Variants in EPB41L3 observed in about 807,000 individuals in gnomAD.
EPB41L3 encodes erythrocyte membrane protein band 4.1 like 3, also known as band 4.1-like protein 3.
EPB41L3 carries 57 observed loss-of-function variants against 127.1 expected under a neutral mutation model. The observed-to-expected ratio is 0.45, with a 90% confidence interval of 0.36 to 0.56. The LOEUF (loss-of-function observed/expected upper bound fraction) is 0.56, where lower values mean the gene tolerates loss of function less well. EPB41L3 is among the 20% of genes least tolerant of loss of function. The pLI is 0.00. For synonymous variants in EPB41L3, 572 were observed against 549.5 expected (o/e 1.04, Z -0.57); for missense variants, 1,273 against 1,372.2 (o/e 0.93, Z 1.14).
intron 1 of EPB41L3, chr18:5,518,381 T>A (rs1386245459): frequency 1.3e-5 from 2 of 152,464 alleles, no homozygotes; most frequent in African/African-American, 4.8e-5. Context: ...AGTGTTCAAA[T>A]GCACCTCTCT....
chr18:5,422,136 CTGAA>C (rs2077553284), intron 11 of EPB41L3, among the ~76,000 whole-genome samples: 1 of 151,972 alleles, frequency 6.6e-6, no homozygotes, highest in Non-Finnish European at 1.5e-5. Flanking sequence ...ACCTGGAGAG[CTGAA>C]ATCATTTGTC....
At chr18:5,497,223 C>T (rs1487480055) in intron 1 of EPB41L3, among the ~76,000 whole-genome samples, 1 of 152,116 alleles carries the variant, frequency 6.6e-6, no homozygotes, top group Non-Finnish European at 1.5e-5. Context: ...CATGGGTTTG[C>T]AGAGCTGGAT....
Position 5,457,416 on chromosome 18 carries a change from C to T in EPB41L3, c.382-12172G>A, listed in dbSNP as rs537661403. Among the ~76,000 whole-genome samples the T allele has an allele frequency of 1.4e-4, 22 of 151,734 alleles. No individual in the cohort carries two copies. The South Asian group carries it at 4.2e-3, about 29-fold the overall frequency. Reference sequence around the variant, plus strand: ...GTCTTGCTGATCCTATAAACCAGCTCTCCTTGCTTTCATCTGGTGGAACAA... The same window carrying T: ...GTCTTGCTGATCCTATAAACCAGCTTTCCTTGCTTTCATCTGGTGGAACAA... On this transcript the variant is annotated intron_variant, in intron 3 of 22. Coordinates refer to ENST00000341928, the MANE Select transcript of EPB41L3 (RefSeq NM_012307.5).
chr18:5,450,609 T>C (rs1440598366), intron 3 of EPB41L3, among the ~76,000 whole-genome samples: 1 of 151,934 alleles, frequency 6.6e-6, no homozygotes, highest in African/African-American at 2.4e-5. Flanking sequence ...TTAGTTTAAA[T>C]TGTTAATAAA....
At chr18:5,452,484 C>T (rs1288639703) in intron 3 of EPB41L3, among the ~76,000 whole-genome samples, 2 of 151,948 alleles carry the variant, frequency 1.3e-5, no homozygotes, top group African/African-American at 2.4e-5. Context: ...AATCCTCCCA[C>T]CCCAGTCTCC....
At chr18:5,629,920 G>A (rs1275357087), upstream of EPB41L3, among the ~76,000 whole-genome samples, 2 of 152,212 alleles carry the variant, frequency 1.3e-5, no homozygotes, top group Non-Finnish European at 2.9e-5. Flanking sequence ...GGCGCGGAGG[G>A]GTGGAGGCAA....
chr18:5,484,390 A>G (rs920284633), intron 2 of EPB41L3, among the ~76,000 whole-genome samples: 1 of 151,846 alleles, frequency 6.6e-6, no homozygotes, highest in African/African-American at 2.4e-5. Context: ...ATATCAAAAA[A>G]GTAAAAAGCC....
chr18:5,536,353 A>G (rs1410172922), intron 1 of EPB41L3, among the ~76,000 whole-genome samples: 2 of 151,350 alleles, frequency 1.3e-5, no homozygotes, highest in Non-Finnish European at 2.9e-5. Flanking sequence ...CTGGACAACA[A>G]GGCTTCACAT....
At chr18:5,422,838 T>TG (rs1240367650) in intron 11 of EPB41L3, among the ~76,000 whole-genome samples, 2 of 152,352 alleles carry the variant, frequency 1.3e-5, no homozygotes, top group East Asian at 3.9e-4. Context: ...CCAGTCCATC[T>TG]GGGGTAGTAA....
chr18:5,613,324 C>T (rs186385606), intron 2 of EPB41L3, among the ~76,000 whole-genome samples: 2 of 152,282 alleles, frequency 1.3e-5, no homozygotes, highest in Non-Finnish European at 2.9e-5. Context: ...AACACAAAGC[C>T]GTGTCAATTC....
chr18:5,502,656 G>A (rs1394896574), intron 1 of EPB41L3, among the ~76,000 whole-genome samples: 3 of 152,170 alleles, frequency 2.0e-5, no homozygotes, highest in African/African-American at 4.8e-5. Context: ...GGTGCCGCTC[G>A]AAGCGAAACA....
chr18:5,492,009 T>C (rs1313473620), intron 1 of EPB41L3, among the ~76,000 whole-genome samples: 1 of 152,144 alleles, frequency 6.6e-6, no homozygotes, highest in Non-Finnish European at 1.5e-5. Flanking sequence ...AATGGCAAAC[T>C]AATATCAACA....
chr18:5,605,042 C>G (rs939209793), intron 3 of EPB41L3, among the ~76,000 whole-genome samples: 1 of 152,122 alleles, frequency 6.6e-6, no homozygotes, highest in Admixed American at 6.6e-5. Context: ...TCAGGTCACA[C>G]CTCCTCCTGG....
In EPB41L3 at chr18:5,397,077, TCCAAAG is replaced by T. The variant is rs1483829491; in HGVS notation, c.2816_2821del (p.Thr939_Glu941delinsLys). On this transcript the variant is annotated inframe_deletion, in exon 18 of 23. Transcript: ENST00000341928. The surrounding 1 kb of genome is among the most constrained non-coding windows in gnomAD (Gnocchi z 4.1). ...AGTTACCTCAAAATGAGGTTTTTGT[TCCAAAG>T]TTTCTGAAATGTGGATGGCTGCACT... 2 of 1,601,802 alleles carry T rather than the reference TCCAAAG, an allele frequency of 1.2e-6. No individual in the cohort carries two copies. Among genetic ancestry groups the T allele is most frequent in the African/African-American group, 1.3e-5 (1 of 74,380 alleles).
At chr18:5,561,059 G>C (rs1259878720) in intron 3 of EPB41L3, among the ~76,000 whole-genome samples, 1 of 147,078 alleles carries the variant, frequency 6.8e-6, no homozygotes, top group Non-Finnish European at 1.5e-5. Flanking sequence ...CTCACTGCAA[G>C]CTCCGCCTCC....
At chr18:5,396,173 G>A (rs1170400697) in intron 19 of EPB41L3, 28 bp downstream of exon 19, 8 of 1,613,736 alleles carry the variant, frequency 5.0e-6, no homozygotes, top group African/African-American at 1.3e-5. Flanking sequence ...TAAGCAGCCA[G>A]GGCTCTGGTC....
At position 5,413,189 on chromosome 18, in the gene EPB41L3, T is replaced by C. The variant is rs2076407991; in HGVS notation, c.2068-2570A>G. Among the ~76,000 whole-genome samples the C allele has an allele frequency of 2.0e-5, 3 of 152,356 alleles. No individual in the cohort carries two copies. The South Asian group carries it at 6.2e-4, about 32-fold the overall frequency. On this transcript the variant is annotated intron_variant, in intron 13 of 22. Transcript: ENST00000341928. The stretch of plus-strand genomic sequence containing the variant: ...AAATCAGTTAATTTTTCTTCCTCTT[T>C]ATTTGAACTTATCTCTATTTTTCTT...
intron 19 of EPB41L3, 103 bp downstream of exon 19, chr18:5,396,098 C>G (rs1242727095): frequency 5.0e-6 from 7 of 1,413,354 alleles, no homozygotes; most frequent in Non-Finnish European, 6.9e-6. Flanking sequence ...GCTGGATCCT[C>G]TAAGTCTCAT....
intron 6 of EPB41L3, among the ~76,000 whole-genome samples, chr18:5,436,395 T>TTTTC (rs1314667444): frequency 1.3e-5 from 2 of 148,422 alleles, no homozygotes; most frequent in African/African-American, 2.5e-5. Context: ...ATGCACTACA[T>TTTTC]TTTCTTTCTT....
Sources: gnomAD v4.1 joint callset for allele counts (sites outside exome capture counted in the v4.1 genomes callset) on GRCh38, gnomAD v4.1.1 for gene constraint, Gnocchi (gnomAD v3.1) non-coding constraint, MANE v1.5 for transcripts, NCBI Gene and HGNC (gene_info 2026-07-23, HGNC 2026-07-21) for gene names.